ITGA8: variants seen among roughly 807,000 people sequenced by gnomAD.
ITGA8 encodes the protein integrin alpha-8.
ITGA8 carries 91 observed loss-of-function variants against 142.3 expected under a neutral mutation model. The observed-to-expected ratio is 0.64, with a 90% CI of 0.54 to 0.76. ITGA8 has a LOEUF of 0.76. ITGA8 is among the 30% of genes least tolerant of loss of function. The pLI is 0.00. For synonymous variants in ITGA8, 505 were observed against 485.2 expected (o/e 1.04, Z -0.54); for missense variants, 1,406 against 1,327.7 (o/e 1.06, Z -0.92).
intron 13 of ITGA8, among the ~76,000 whole-genome samples, chr10:15,642,003 C>T (rs1833880538): frequency 6.6e-6 from 1 of 152,142 alleles, no homozygotes; most frequent in Admixed American, 6.5e-5. Context: ...TGGCACACGC[C>T]TGTAGTCCCA....
At chr10:15,522,936 C>T (rs781501409) in intron 28 of ITGA8, among the ~76,000 whole-genome samples, 10 of 151,640 alleles carry the variant, frequency 6.6e-5, no homozygotes, top group Admixed American at 2.0e-4. Context: ...CACCTGAACC[C>T]GGGAGGGAGA....
chr10:15,559,315 C>T (rs928248767), intron 25 of ITGA8, among the ~76,000 whole-genome samples: 1 of 152,200 alleles, frequency 6.6e-6, no homozygotes, highest in Non-Finnish European at 1.5e-5. Context: ...CAGGTACACT[C>T]GCCAAGCCTC....
In ITGA8 at chr10:15,604,367, G is replaced by A. The variant is rs1833155947; in HGVS notation, c.1971-12C>T. The stretch of plus-strand genomic sequence containing the variant: ...CCTGATGCTTATCTCTAAAAATGCA[G>A]TTTAAAAAGAAGGATTAGGTACTCT... On this transcript the variant is annotated splice_polypyrimidine_tract_variant and intron_variant, in intron 19 of 29. Transcript: ENST00000378076. The A allele has an allele frequency of 6.3e-7, 1 of 1,599,166 alleles. No homozygotes were observed.
chr10:15,589,027 A>G (rs1353371931), intron 22 of ITGA8, among the ~76,000 whole-genome samples: 2 of 152,230 alleles, frequency 1.3e-5, no homozygotes, highest in Non-Finnish European at 2.9e-5. Context: ...CTTTCCTGAA[A>G]GGAAAGCTCC....
intron 27 of ITGA8, among the ~76,000 whole-genome samples, 196 bp from the exon 28 acceptor site, chr10:15,531,347 C>G (rs578065713): frequency 3.3e-5 from 5 of 152,244 alleles, no homozygotes; most frequent in African/African-American, 1.2e-4. Flanking sequence ...TGCATCCATG[C>G]ATCCATCCAT....
rs1354906146 is a variant in ITGA8 at position 15,578,852 on chromosome 10, G to C, written c.2373-3258C>G. ...CTTGTGGCCAAGTTTACTTCTCACA[G>C]ACATGTGCTAAACTGATCCTTTGTA... On this transcript the variant is annotated intron_variant, in intron 23 of 29. Coordinates refer to ENST00000378076, the MANE Select transcript of ITGA8 (RefSeq NM_003638.3). 2.6e-5 allele frequency among the ~76,000 whole-genome samples: 4 copies of C among 152,082 alleles called. No homozygotes were observed. The East Asian group carries it at 7.7e-4, about 29-fold the overall frequency.
chr10:15,572,721 G>A (rs1834208050), intron 24 of ITGA8, among the ~76,000 whole-genome samples: 1 of 152,196 alleles, frequency 6.6e-6, no homozygotes. Flanking sequence ...TCAAAACTTA[G>A]TGACTGTCTC....
intron 13 of ITGA8, among the ~76,000 whole-genome samples, chr10:15,637,314 A>C (rs1212100974): frequency 6.6e-6 from 1 of 152,166 alleles, no homozygotes; most frequent in Non-Finnish European, 1.5e-5. Flanking sequence ...TTTTGTAAAA[A>C]TCCTCTCCCG....
intron 2 of ITGA8, among the ~76,000 whole-genome samples, chr10:15,688,751 A>G (rs191115325): frequency 7.2e-5 from 11 of 152,354 alleles, no homozygotes; most frequent in African/African-American, 2.4e-4. Flanking sequence ...CAAAAACCAT[A>G]TGATCATCTT....
chr10:15,718,633 C>T lies in ITGA8; in HGVS notation c.343+133G>A. 3.6e-6 allele frequency: 4 copies of T among 1,114,002 alleles called. No homozygotes were observed. The South Asian group carries it at 4.7e-5, about 13-fold the overall frequency. 69.0% of individuals were successfully genotyped at this position (1,114,002 alleles called of 1,614,324 possible). ...GAAAAAACTGATTTCTCTAGAGACCCACATAGCCCACAATACGGACATATC... is the reference window on the plus strand; with the variant it reads ...GAAAAAACTGATTTCTCTAGAGACCTACATAGCCCACAATACGGACATATC... On this transcript the variant is annotated intron_variant, in intron 2 of 29. Coordinates refer to ENST00000378076, the MANE Select transcript of ITGA8 (RefSeq NM_003638.3).
chr10:15,655,424 G>T lies in ITGA8; in HGVS notation c.949-18C>A, dbSNP rs1236472728. On this transcript the variant is annotated intron_variant, in intron 10 of 29. Coordinates refer to ENST00000378076, the MANE Select transcript of ITGA8 (RefSeq NM_003638.3). ...GATGCCATCTGCAAAGGAAAATCAG[G>T]AGATGACATTTTGTGTCCAAAAAGT... The T allele has an allele frequency of 6.3e-7, 1 of 1,595,452 alleles. No individual in the cohort carries two copies.
At chr10:15,628,111 A>G (rs1258794538) in intron 13 of ITGA8, among the ~76,000 whole-genome samples, 1 of 151,982 alleles carries the variant, frequency 6.6e-6, no homozygotes, top group Non-Finnish European at 1.5e-5. Context: ...TACAAACGGG[A>G]GGAACCCTCA....
chr10:15,565,871 T>G (rs185983450), intron 25 of ITGA8, among the ~76,000 whole-genome samples: 1 of 152,154 alleles, frequency 6.6e-6, no homozygotes, highest in Non-Finnish European at 1.5e-5. Flanking sequence ...ATTACAGGCA[T>G]GAGCCACTGT....
chr10:15,550,485 C>T (rs1352660675), intron 26 of ITGA8, among the ~76,000 whole-genome samples: 1 of 152,118 alleles, frequency 6.6e-6, no homozygotes, highest in Admixed American at 6.6e-5. Flanking sequence ...TTGTAGACTC[C>T]TTGCAGATGG....
intron 24 of ITGA8, 90 bp from the exon 25 acceptor site, chr10:15,572,459 C>T (rs752435923): frequency 9.1e-6 from 11 of 1,203,404 alleles, no homozygotes; most frequent in Non-Finnish European, 1.3e-5. Context: ...TTTTAGAAAG[C>T]ATGTATTATT....
chr10:15,612,567 G>A (rs528410696), intron 15 of ITGA8, among the ~76,000 whole-genome samples: 12 of 152,262 alleles, frequency 7.9e-5, no homozygotes, highest in Admixed American at 7.8e-4. Flanking sequence ...GTATTTTCTT[G>A]AACTGTGTTA....
At chr10:15,519,141 A>G (rs1833011713) in intron 29 of ITGA8, 149 bp downstream of exon 29, 2 of 821,908 alleles carry the variant, frequency 2.4e-6, no homozygotes, top group East Asian at 5.0e-5. Context: ...CAAAGCAAAC[A>G]AGACACGATT....
intron 3 of ITGA8, among the ~76,000 whole-genome samples, chr10:15,687,405 T>G (rs1834851233): frequency 6.6e-6 from 1 of 152,214 alleles, no homozygotes; most frequent in African/African-American, 2.4e-5. Flanking sequence ...ATAGAATTAT[T>G]AAGTCATAGC....
Position 15,662,326 on chromosome 10 carries a change from CTTTTTTT to C in ITGA8, c.848-1411_848-1405del, listed in dbSNP as rs200922550. 8.1e-3 allele frequency among the ~76,000 whole-genome samples: 587 copies of C among 72,738 alleles called. 9 individuals are homozygous for C. The highest frequency in any genetic ancestry group is 0.029 in the African/African-American group (436 of 15,062). The allele number at this position is 72,738 out of a possible 152,430, so 47.7% of individuals were successfully genotyped here. On this transcript the variant is annotated intron_variant, in intron 8 of 29. Coordinates refer to ENST00000378076, the MANE Select transcript of ITGA8 (RefSeq NM_003638.3). Reference sequence around the variant, plus strand: ...CTCAAGGTGAAATCTTCAGAAGGTCCTTTTTTTTTTTTTTTTTTTTTTTTTTTTAAAC... The same window carrying C: ...CTCAAGGTGAAATCTTCAGAAGGTCCTTTTTTTTTTTTTTTTTTTTTAAAC...
Sources: allele counts gnomAD v4.1 joint callset (sites outside exome capture counted in the v4.1 genomes callset), GRCh38; gene constraint gnomAD v4.1.1; transcripts MANE v1.5; gene names NCBI Gene and HGNC (gene_info 2026-07-23, HGNC 2026-07-21).